ARF3: variants seen among roughly 807,000 people sequenced by gnomAD.
ARF3 encodes ARF GTPase 3, also known as ADP-ribosylation factor 3.
A neutral mutation model predicts 19.3 loss-of-function variants in ARF3; 5 were observed. The observed-to-expected ratio is 0.26, with a 90% CI of 0.14 to 0.54. The LOEUF is 0.54. ARF3 is among the 20% of genes least tolerant of loss of function. The pLI, the probability that ARF3 is intolerant of heterozygous loss-of-function variation, is 0.95. For missense variants in ARF3, 77 were observed against 234.2 expected, an observed-to-expected ratio of 0.33 and a Z score of 4.38; for synonymous variants, 71 against 89.2, an observed-to-expected ratio of 0.80 and a Z score of 1.15.
intron 1 of ARF3, among the ~76,000 whole-genome samples, chr12:48,954,873 G>A (rs976015467): frequency 2.0e-5 from 3 of 152,016 alleles, no homozygotes; most frequent in Non-Finnish European, 2.9e-5. Context: ...AAAAAAATTC[G>A]CTGGGCATGG....
chr12:48,949,409 T>G (rs1940423138), intron 1 of ARF3, among the ~76,000 whole-genome samples: 1 of 152,170 alleles, frequency 6.6e-6, no homozygotes, highest in Admixed American at 6.5e-5. Flanking sequence ...GTATTTTTAG[T>G]AGAGACGGGG....
intron 1 of ARF3, among the ~76,000 whole-genome samples, chr12:48,945,441 G>T (rs1948177764): frequency 6.6e-6 from 1 of 152,096 alleles, no homozygotes; most frequent in East Asian, 1.9e-4. Flanking sequence ...TTAGCCGGGT[G>T]TGGTGGCTAC....
In ARF3 at chr12:48,939,140, C is replaced by G. The variant is rs1352875306; in HGVS notation, c.385-32G>C. The G allele has an allele frequency of 6.3e-7, 1 of 1,596,526 alleles. No individual in the cohort carries two copies. Among genetic ancestry groups the G allele is most frequent in the Non-Finnish European group, 8.6e-7 (1 of 1,169,028 alleles). On this transcript the variant is annotated intron_variant, in intron 4 of 4. Transcript: ENST00000256682. The surrounding 1 kb of genome is among the most constrained non-coding windows in gnomAD (Gnocchi z 4.8). The stretch of plus-strand genomic sequence containing the variant: ...CACGTGGGAGACACATAAAAAGAAG[C>G]CTCAGGATTTTTTAAAGGCTTCTAG...
intron 1 of ARF3, among the ~76,000 whole-genome samples, chr12:48,955,073 T>C (rs1410984369): frequency 6.6e-6 from 1 of 152,190 alleles, no homozygotes; most frequent in Non-Finnish European, 1.5e-5. Context: ...AACCTGGTTT[T>C]AAAGAAGTTC....
intron 1 of ARF3, among the ~76,000 whole-genome samples, chr12:48,953,890 C>T (rs893352239): frequency 1.3e-5 from 2 of 152,154 alleles, no homozygotes; most frequent in Non-Finnish European, 2.9e-5. Flanking sequence ...GAAGAAGGTA[C>T]GGTAGACAGA....
intron 1 of ARF3, chr12:48,957,039 C>T (rs1430690419): frequency 2.6e-5 from 4 of 152,506 alleles, no homozygotes; most frequent in Admixed American, 1.3e-4. Context: ...CAGGCGACAA[C>T]CTAACTGCAG....
At chr12:48,940,423 G>A (rs1468313963) in intron 2 of ARF3, among the ~76,000 whole-genome samples, 1 of 152,168 alleles carries the variant, frequency 6.6e-6, no homozygotes, top group African/African-American at 2.4e-5. Flanking sequence ...CCCTGCTCTG[G>A]TACTTTGGCT....
At chr12:48,957,039 C>G (rs1430690419) in intron 1 of ARF3, 1 of 152,506 alleles carries the variant, frequency 6.6e-6, no homozygotes, top group Non-Finnish European at 1.5e-5. Flanking sequence ...CAGGCGACAA[C>G]CTAACTGCAG....
intron 1 of ARF3, among the ~76,000 whole-genome samples, chr12:48,955,227 C>G (rs1408401487): frequency 6.6e-6 from 1 of 152,152 alleles, no homozygotes; most frequent in Non-Finnish European, 1.5e-5. Context: ...TCTTTCCAGT[C>G]TGCTCTCCTT....
chr12:48,949,213 T>C (rs1220862748), intron 1 of ARF3, among the ~76,000 whole-genome samples: 1 of 152,052 alleles, frequency 6.6e-6, no homozygotes, highest in Admixed American at 6.6e-5. Flanking sequence ...GGTGAATATG[T>C]ATGTTTGTTT....
intron 1 of ARF3, among the ~76,000 whole-genome samples, chr12:48,947,861 G>A (rs984362360): frequency 3.9e-5 from 6 of 152,200 alleles, no homozygotes; most frequent in Middle Eastern, 3.4e-3. Flanking sequence ...GGAAGACGAG[G>A]AAGTAATCAG....
At chr12:48,944,486 A>G (rs764973925) in intron 1 of ARF3, among the ~76,000 whole-genome samples, 3 of 152,214 alleles carry the variant, frequency 2.0e-5, no homozygotes, top group Non-Finnish European at 4.4e-5. Context: ...TTCTTCTTTT[A>G]TAAGTCTGTG....
intron 1 of ARF3, among the ~76,000 whole-genome samples, chr12:48,941,819 T>A (rs56084679): frequency 0.037 from 5,584 of 152,304 alleles, 335 homozygotes; most frequent in African/African-American, 0.13. Context: ...CAGCTGCTAA[T>A]GTTGTGCCCT....
chr12:48,949,156 T>C (rs7963018), intron 1 of ARF3, among the ~76,000 whole-genome samples: 86,480 of 152,150 alleles, frequency 0.57, 24,852 homozygotes, highest in South Asian at 0.75. Context: ...GGCCTAGGGC[T>C]GGGTGGCATT....
intron 1 of ARF3, among the ~76,000 whole-genome samples, chr12:48,943,989 C>T (rs1940311862): frequency 6.6e-6 from 1 of 152,220 alleles, no homozygotes; most frequent in Non-Finnish European, 1.5e-5. Flanking sequence ...GAACAGCTCT[C>T]ACCAACCTTG....
intron 1 of ARF3, among the ~76,000 whole-genome samples, chr12:48,954,013 C>A (rs1359361233): frequency 6.6e-6 from 1 of 152,130 alleles, no homozygotes; most frequent in Non-Finnish European, 1.5e-5. Context: ...AAATGAAGAT[C>A]CCCATATACT....
At position 48,938,152 on chromosome 12, in the gene ARF3, G is replaced by C; in HGVS notation, c.*795C>G. Reference sequence around the variant, plus strand: ...GCAGAGCAGAGTGGCATCTCCTTGGGAACAGTCATCTAGAGATAAATGCCA... The same window carrying C: ...GCAGAGCAGAGTGGCATCTCCTTGGCAACAGTCATCTAGAGATAAATGCCA... On this transcript the variant is annotated 3_prime_UTR_variant, in exon 5 of 5. Transcript: ENST00000256682. 2 of 336,610 alleles carry C rather than the reference G, an allele frequency of 5.9e-6. No homozygotes were observed. Among genetic ancestry groups the C allele is most frequent in the South Asian group, 4.7e-5 (2 of 42,828 alleles). 20.9% of individuals were successfully genotyped at this position (336,610 alleles called of 1,614,324 possible). A position where few individuals can be genotyped will look rare whatever the true frequency, so the allele number is the denominator to read the frequency against.
rs1940205418 is a variant in ARF3, at chr12:48,939,041, C to T, written c.452G>A (p.Arg151His). The T allele has an allele frequency of 1.2e-6, 2 of 1,613,962 alleles. No individual in the cohort carries two copies. Among genetic ancestry groups the T allele is most frequent in the Non-Finnish European group, 1.7e-6 (2 of 1,180,022 alleles). Residue 151 changes from arginine to histidine, a missense_variant, in exon 5 of 5, where the codon CGT (arginine) becomes CAT (histidine). Around this residue, in one of 3 missense-constraint regions of ARF3, gnomAD observed 53 missense variants for 121.2 expected, o/e 0.44. Transcript: ENST00000256682. This position sits in a 1 kb window ranked among gnomAD's most constrained non-coding sequence, Gnocchi z 4.8. Reference sequence around the variant, plus strand: ...ACAGGTGGCCTGAATGTACCAGTTACGGTGACGAAGGGAATGCAGGCCCAG... The same window carrying T: ...ACAGGTGGCCTGAATGTACCAGTTATGGTGACGAAGGGAATGCAGGCCCAG... ...DKLGLHSLRHRNWYIQATCAT... is the reference protein window; with the variant it reads ...DKLGLHSLRHHNWYIQATCAT...
At chr12:48,956,403 A>G (rs1049783560) in intron 1 of ARF3, 3 of 152,284 alleles carry the variant, frequency 2.0e-5, no homozygotes, top group African/African-American at 7.2e-5. Context: ...TTCCCCCAAA[A>G]TAACAGCTAC....
Sources: gnomAD v4.1 joint callset for allele counts (sites outside exome capture counted in the v4.1 genomes callset) on GRCh38, gnomAD v4.1.1 for gene constraint, gnomAD v4.1.1 regional missense constraint, Gnocchi (gnomAD v3.1) non-coding constraint, MANE v1.5 for transcripts, NCBI Gene and HGNC (gene_info 2026-07-23, HGNC 2026-07-21) for gene names.